The following NSMAF variants were observed in gnomAD, a reference collection of about 807,000 sequenced individuals.
NSMAF encodes the protein neutral sphingomyelinase activation associated factor.
In NSMAF, 90 loss-of-function variants were observed where a neutral mutation model predicts 134.9. That is an observed-to-expected ratio of 0.67 (90% confidence interval 0.56 to 0.79). NSMAF has a LOEUF of 0.79. Among genes scored for constraint, NSMAF ranks in the 30% least tolerant of loss-of-function variants. The pLI is 0.00. For missense variants in NSMAF, 1,010 were observed against 1,119.0 expected, an observed-to-expected ratio of 0.90 and a Z score of 1.39; for synonymous variants, 358 against 389.6, an observed-to-expected ratio of 0.92 and a Z score of 0.96.
intron 26 of NSMAF, chr8:58,588,323 CTTGACA>C: frequency 1.4e-6 from 1 of 735,050 alleles, no homozygotes; most frequent in Non-Finnish European, 2.3e-6. Flanking sequence ...CTCACTTTAA[CTTGACA>C]TTTTCTTTTT....
Position 58,623,258 on chromosome 8 carries a change from C to A in NSMAF, c.519G>T (p.Leu173Phe). 1 of 1,609,490 alleles carries A rather than the reference C, an allele frequency of 6.2e-7. No homozygotes were observed. Among genetic ancestry groups the A allele is most frequent in the Non-Finnish European group, 8.5e-7 (1 of 1,177,206 alleles). The part of the protein sequence containing the change: ...GDQTAMITAI[L>F]QSRLARTSFD... ...ATGATGTTCTAGCTAAACGAGACTG[C>A]AAAATAGCTGTTATCTATTAAAACA... is the stretch of plus-strand genomic sequence containing the variant. Residue 173 changes from leucine to phenylalanine, a missense_variant, in exon 9 of 31, where the codon TTG (leucine) becomes TTT (phenylalanine). Transcript: ENST00000038176.
intron 9 of NSMAF, among the ~76,000 whole-genome samples, chr8:58,622,497 G>A (rs868073271): frequency 5.3e-5 from 8 of 152,058 alleles, no homozygotes; most frequent in Middle Eastern, 3.4e-3. Flanking sequence ...AGGTTCAAGC[G>A]ATTCTTCTGC....
chr8:58,644,434 C>T (rs115890214), intron 1 of NSMAF, among the ~76,000 whole-genome samples: 2,045 of 152,160 alleles, frequency 0.013, 50 homozygotes, highest in African/African-American at 0.046. Context: ...TTCAAGTCAC[C>T]GGACTTCCAA....
intron 20 of NSMAF, 142 bp from the exon 21 acceptor site, chr8:58,597,692 A>G (rs1806171571): frequency 1.1e-6 from 1 of 936,970 alleles, no homozygotes; most frequent in Admixed American, 2.3e-5. Context: ...TCTAAACCTC[A>G]TTATAGACCT....
intron 1 of NSMAF, among the ~76,000 whole-genome samples, chr8:58,655,699 A>C (rs2129149055): frequency 1.3e-5 from 2 of 152,134 alleles, no homozygotes; most frequent in East Asian, 3.9e-4. Context: ...CGAGGACAGG[A>C]GATCGAGACC....
chr8:58,616,805 AATG>A (rs1368703230), intron 9 of NSMAF, among the ~76,000 whole-genome samples: 15 of 152,208 alleles, frequency 9.9e-5, no homozygotes, highest in Admixed American at 9.8e-4. Flanking sequence ...TCACAGATTA[AATG>A]ATTATGTACA....
At chr8:58,619,175 T>TA (rs1806728974) in intron 9 of NSMAF, among the ~76,000 whole-genome samples, 2 of 152,134 alleles carry the variant, frequency 1.3e-5, no homozygotes, top group Admixed American at 6.5e-5. Flanking sequence ...AAAATGGAAA[T>TA]AAAATTAACG....
chr8:58,656,282 G>A (rs114604639), intron 1 of NSMAF, among the ~76,000 whole-genome samples: 2,205 of 152,166 alleles, frequency 0.014, 61 homozygotes, highest in African/African-American at 0.051. Context: ...GATTACAGGC[G>A]TGAGCCCTGT....
At chr8:58,598,727 A>G (rs945292556) in intron 19 of NSMAF, among the ~76,000 whole-genome samples, 3 of 152,074 alleles carry the variant, frequency 2.0e-5, no homozygotes, top group African/African-American at 4.8e-5. Context: ...CAGTTACTCA[A>G]TATCTAATCC....
At chr8:58,628,020 G>A (rs4737504) in intron 6 of NSMAF, among the ~76,000 whole-genome samples, 79,852 of 152,034 alleles carry the variant, frequency 0.53, 22,414 homozygotes, top group African/African-American at 0.73. Flanking sequence ...ATAGCATGGG[G>A]CTAGTATAAC....
At chr8:58,585,317 G>GTTATTTTTTTTTT (rs1554572269) in intron 30 of NSMAF, among the ~76,000 whole-genome samples, 18 of 144,364 alleles carry the variant, frequency 1.2e-4, no homozygotes, top group Middle Eastern at 3.6e-3. Flanking sequence ...TTGTTTCTGG[G>GTTATTTTTTTTTT]TTTTTTTTTT....
chr8:58,591,056 CT>C (rs1806011073), intron 23 of NSMAF, 122 bp from the exon 24 acceptor site: 1 of 1,168,546 alleles, frequency 8.6e-7, no homozygotes, highest in African/African-American at 1.6e-5. Flanking sequence ...AAAGTATAAT[CT>C]TATGGAAAAC....
Position 58,646,022 on chromosome 8 carries a change from C to A in NSMAF, c.60-2949G>T, listed in dbSNP as rs111266642. On this transcript the variant is annotated intron_variant, in intron 1 of 30. Coordinates refer to ENST00000038176, the MANE Select transcript of NSMAF (RefSeq NM_003580.4). ...CGCCACTGCACTCCAGCCTAGGCAA[C>A]AAGAGCGAGACTCCGTCTCAAAATC... Among the ~76,000 whole-genome samples the A allele has an allele frequency of 8.5e-3, 1,288 of 152,278 alleles. 10 individuals are homozygous for A. Among genetic ancestry groups the A allele is most frequent in the Non-Finnish European group, 0.012 (784 of 68,018 alleles).
intron 23 of NSMAF, among the ~76,000 whole-genome samples, chr8:58,591,334 T>C (rs1806017211): frequency 6.6e-6 from 1 of 152,144 alleles, no homozygotes; most frequent in East Asian, 1.9e-4. Flanking sequence ...ATGTTTTCTT[T>C]AAAAAAACTG....
intron 1 of NSMAF, among the ~76,000 whole-genome samples, chr8:58,644,317 C>T (rs981504016): frequency 4.6e-5 from 7 of 152,182 alleles, no homozygotes; most frequent in African/African-American, 1.7e-4. Context: ...AGAGAAGAGA[C>T]ATGAACAAAT....
Position 58,584,048 on chromosome 8 carries a change from T to C in NSMAF, c.*58A>G. The C allele has an allele frequency of 7.8e-7, 1 of 1,287,322 alleles. No individual in the cohort carries two copies. The highest frequency in any genetic ancestry group is 1.1e-6 in the Non-Finnish European group (1 of 883,164). 79.7% of individuals were successfully genotyped at this position (1,287,322 alleles called of 1,614,324 possible). ...CACATTCACCAGTCCGTTTAAAAGT[T>C]TGGTTTAAAAATGCATTAAATAGAG... On this transcript the variant is annotated 3_prime_UTR_variant, in exon 31 of 31. Transcript: ENST00000038176.
intron 7 of NSMAF, 113 bp from the exon 8 acceptor site, chr8:58,623,537 G>T: frequency 8.6e-7 from 1 of 1,165,884 alleles, no homozygotes; most frequent in South Asian, 1.3e-5. Context: ...GATTACTTCT[G>T]ATATACCTAT....
chr8:58,602,427 AAACAAC>A (rs963562848), intron 13 of NSMAF, among the ~76,000 whole-genome samples: 1 of 152,128 alleles, frequency 6.6e-6, no homozygotes, highest in Non-Finnish European at 1.5e-5. Flanking sequence ...ATTCCAAGTA[AAACAAC>A]AACAACAACA....
chr8:58,601,974 T>C, intron 14 of NSMAF, 84 bp downstream of exon 14: 1 of 1,089,956 alleles, frequency 9.2e-7, no homozygotes, highest in Non-Finnish European at 1.4e-6. Context: ...CCCTAAGCCT[T>C]GGAGAAACGA....
Sources: allele counts gnomAD v4.1 joint callset (sites outside exome capture counted in the v4.1 genomes callset), GRCh38; gene constraint gnomAD v4.1.1; transcripts MANE v1.5; gene names NCBI Gene and HGNC (gene_info 2026-07-23, HGNC 2026-07-21).